The following KCND2 variants were observed in gnomAD, a reference collection of about 807,000 sequenced individuals.
KCND2 encodes potassium voltage-gated channel subfamily D member 2.
Under a neutral mutation model 54.4 loss-of-function variants are expected in KCND2, and 16 were observed. That is an observed-to-expected ratio of 0.29 (90% CI 0.20 to 0.45). The LOEUF (loss-of-function observed/expected upper bound fraction) is 0.45, where lower values mean the gene tolerates loss of function less well. KCND2 is among the 20% of genes least tolerant of loss of function. The probability of loss-of-function intolerance (pLI) is 1.00; values close to 1 mark genes in which losing one functional copy is unlikely to be tolerated. For missense variants in KCND2, 486 were observed against 824.2 expected (o/e 0.59, Z 5.02); for synonymous variants, 317 against 310.7 (o/e 1.02, Z -0.21).
chr7:120,498,865 T>G (rs1222622953), intron 1 of KCND2, among the ~76,000 whole-genome samples: 1 of 152,174 alleles, frequency 6.6e-6, no homozygotes, highest in East Asian at 1.9e-4. Flanking sequence ...AATTAAATGT[T>G]GTCCGTGAGA....
intron 1 of KCND2, among the ~76,000 whole-genome samples, chr7:120,726,696 A>T (rs1480409779): frequency 1.3e-5 from 2 of 152,214 alleles, no homozygotes; most frequent in African/African-American, 4.8e-5. Flanking sequence ...TTACACTCCA[A>T]ATACTGATTC....
intron 1 of KCND2, among the ~76,000 whole-genome samples, chr7:120,700,139 G>A (rs1156286482): frequency 6.6e-6 from 1 of 151,966 alleles, no homozygotes; most frequent in Non-Finnish European, 1.5e-5. Context: ...AATATGAGTG[G>A]GTTTAGAGTA....
At chr7:120,300,087 C>G (rs958319666) in intron 1 of KCND2, among the ~76,000 whole-genome samples, 3 of 152,074 alleles carry the variant, frequency 2.0e-5, no homozygotes, top group African/African-American at 7.2e-5. Flanking sequence ...TAAGGAAGAA[C>G]TATTGCAAAA....
intron 1 of KCND2, among the ~76,000 whole-genome samples, chr7:120,278,886 G>C (rs1391654629): frequency 6.6e-6 from 1 of 151,706 alleles, no homozygotes; most frequent in Non-Finnish European, 1.5e-5. Context: ...TAAGTGTTTA[G>C]ATTGAGTAAT....
chr7:120,533,092 TTAAA>T (rs1791862194), intron 1 of KCND2, among the ~76,000 whole-genome samples: 1 of 152,128 alleles, frequency 6.6e-6, no homozygotes, highest in Non-Finnish European at 1.5e-5. Flanking sequence ...AATACACTAT[TTAAA>T]TAAATCACTG....
intron 1 of KCND2, among the ~76,000 whole-genome samples, chr7:120,555,322 T>C (rs1484557359): frequency 6.6e-6 from 1 of 152,220 alleles, no homozygotes; most frequent in Non-Finnish European, 1.5e-5. Flanking sequence ...TTTTTCCTCC[T>C]TTGAATATGG....
intron 1 of KCND2, among the ~76,000 whole-genome samples, chr7:120,602,894 C>T (rs1257426597): frequency 3.3e-5 from 5 of 152,162 alleles, no homozygotes; most frequent in Non-Finnish European, 5.9e-5. Flanking sequence ...AGAAATCTAT[C>T]GAAATGTTCC....
chr7:120,690,902 A>C (rs186255522), intron 1 of KCND2, among the ~76,000 whole-genome samples: 8 of 152,212 alleles, frequency 5.3e-5, no homozygotes, highest in Admixed American at 6.5e-5. Flanking sequence ...ATAAAGAAAA[A>C]GAAAACGAGA....
chr7:120,451,903 C>A (rs914293597), intron 1 of KCND2, among the ~76,000 whole-genome samples: 1 of 152,104 alleles, frequency 6.6e-6, no homozygotes, highest in Non-Finnish European at 1.5e-5. Flanking sequence ...TAATAGGTAC[C>A]GATTAATCAA....
chr7:120,709,023 T>G (rs1403525256), intron 1 of KCND2, among the ~76,000 whole-genome samples: 1 of 152,122 alleles, frequency 6.6e-6, no homozygotes, highest in Non-Finnish European at 1.5e-5. Flanking sequence ...TCAAATTCTC[T>G]GTGTATTCAA....
chr7:120,718,755 G>A (rs1299090561), intron 1 of KCND2, among the ~76,000 whole-genome samples: 1 of 152,176 alleles, frequency 6.6e-6, no homozygotes, highest in African/African-American at 2.4e-5. Context: ...CTTGAAGAGA[G>A]TAAGCCATTG....
At chr7:120,684,688 G>A (rs1311254693) in intron 1 of KCND2, among the ~76,000 whole-genome samples, 1 of 152,074 alleles carries the variant, frequency 6.6e-6, no homozygotes, top group African/African-American at 2.4e-5. Context: ...CACAGCAGGA[G>A]GTGAGCAGAG....
At chr7:120,605,188 A>T (rs1041879296) in intron 1 of KCND2, among the ~76,000 whole-genome samples, 2 of 152,142 alleles carry the variant, frequency 1.3e-5, no homozygotes, top group African/African-American at 4.8e-5. Flanking sequence ...TCACCACCCT[A>T]AAAAGAAACC....
intron 1 of KCND2, among the ~76,000 whole-genome samples, chr7:120,399,816 C>T (rs1801218926): frequency 6.7e-6 from 1 of 149,436 alleles, no homozygotes; most frequent in Non-Finnish European, 1.5e-5. Flanking sequence ...ACCTTGGCCT[C>T]CCAGGTTCAA....
intron 1 of KCND2, among the ~76,000 whole-genome samples, chr7:120,324,017 T>A (rs1477402626): frequency 1.6e-4 from 24 of 147,462 alleles, no homozygotes; most frequent in Non-Finnish European, 3.4e-4. Flanking sequence ...GGTATCTCAT[T>A]GTGGTTTTGA....
intron 1 of KCND2, among the ~76,000 whole-genome samples, chr7:120,555,026 A>G (rs1489178085): frequency 6.6e-6 from 1 of 152,100 alleles, no homozygotes; most frequent in Non-Finnish European, 1.5e-5. Flanking sequence ...CTTTCACTAT[A>G]ATCTGAATGC....
intron 1 of KCND2, among the ~76,000 whole-genome samples, chr7:120,657,320 A>G (rs1461997596): frequency 1.3e-5 from 2 of 152,188 alleles, no homozygotes; most frequent in Admixed American, 6.5e-5. Flanking sequence ...TGACTTTCTC[A>G]TAACAGACGT....
intron 1 of KCND2, among the ~76,000 whole-genome samples, chr7:120,695,900 G>A (rs1239935649): frequency 1.3e-5 from 2 of 152,310 alleles, no homozygotes; most frequent in East Asian, 1.9e-4. Flanking sequence ...GTTGCTATGA[G>A]TTGATTTCAA....
intron 1 of KCND2, among the ~76,000 whole-genome samples, chr7:120,485,684 C>G (rs911553455): frequency 1.3e-5 from 2 of 152,208 alleles, no homozygotes; most frequent in Non-Finnish European, 2.9e-5. Flanking sequence ...ATTACCACCT[C>G]ATCATAAAAG....
Sources: allele counts gnomAD v4.1 joint callset (sites outside exome capture counted in the v4.1 genomes callset), GRCh38; gene constraint gnomAD v4.1.1; transcripts MANE v1.5; gene names NCBI Gene and HGNC (gene_info 2026-07-23, HGNC 2026-07-21).